LEKR1: variants seen among roughly 807,000 people sequenced by gnomAD.
LEKR1 encodes leucine, glutamate and lysine rich 1.
LEKR1 carries 59 observed loss-of-function variants against 72.4 expected under a neutral mutation model. That is an observed-to-expected ratio of 0.82 (90% CI 0.66 to 1.01). The LOEUF is 1.01. Ranked by LOEUF, LEKR1 falls within the 50% of genes least tolerant of loss-of-function variation. The pLI, the probability that LEKR1 is intolerant of heterozygous loss-of-function variation, is 0.00. For missense variants in LEKR1, 728 were observed against 759.2 expected (o/e 0.96, Z 0.48); for synonymous variants, 257 against 263.2 (o/e 0.98, Z 0.23).
chr3:156,885,211 G>A (rs1409489308), intron 3 of LEKR1, among the ~76,000 whole-genome samples: 4 of 151,942 alleles, frequency 2.6e-5, no homozygotes, highest in African/African-American at 9.7e-5. Context: ...ATTTCTTTGT[G>A]TTGGTTTTTT....
intron 3 of LEKR1, among the ~76,000 whole-genome samples, chr3:156,918,720 AG>A (rs1723895600): frequency 1.3e-5 from 2 of 152,314 alleles, no homozygotes; most frequent in Admixed American, 6.5e-5. Context: ...AGGAAATATC[AG>A]TGTAAACATG....
intron 5 of LEKR1, among the ~76,000 whole-genome samples, chr3:156,939,068 A>T (rs1273696539): frequency 6.6e-6 from 1 of 152,224 alleles, no homozygotes; most frequent in Non-Finnish European, 1.5e-5. Context: ...AATAACAAAT[A>T]TTCTAAAATA....
chr3:156,991,020 C>A (rs760273141), intron 7 of LEKR1, among the ~76,000 whole-genome samples: 13 of 152,048 alleles, frequency 8.5e-5, no homozygotes, highest in Non-Finnish European at 1.8e-4. Flanking sequence ...TATGTCAATA[C>A]AATACCTTAA....
At chr3:156,944,556 T>C (rs2321295) in intron 6 of LEKR1, among the ~76,000 whole-genome samples, 81,855 of 151,516 alleles carry the variant, frequency 0.54, 23,946 homozygotes, top group East Asian at 0.73. Context: ...CTTTCCATCC[T>C]CTCAACCCTG....
At chr3:156,902,694 T>A (rs983139302) in intron 3 of LEKR1, among the ~76,000 whole-genome samples, 2 of 132,086 alleles carry the variant, frequency 1.5e-5, no homozygotes, top group African/African-American at 7.4e-5. Flanking sequence ...ACAACTTTTT[T>A]CCTTCACTTA....
At chr3:156,986,971 C>T (rs10513501) in intron 7 of LEKR1, among the ~76,000 whole-genome samples, 8,280 of 151,838 alleles carry the variant, frequency 0.055, 259 homozygotes, top group African/African-American at 0.082. Flanking sequence ...TCCATATAAG[C>T]GAATGGAGTG....
At chr3:157,017,956 A>G (rs1733497944) in intron 10 of LEKR1, among the ~76,000 whole-genome samples, 1 of 149,564 alleles carries the variant, frequency 6.7e-6, no homozygotes, top group African/African-American at 2.5e-5. Flanking sequence ...CTCAAAAAAA[A>G]AAAAAAAAAA....
rs529666663 is a variant in LEKR1 at position 156,976,818 on chromosome 3, C to A, written c.746-2376C>A. ...TTATAGGATCTAACTAGCTGAGTGACCTTGATAAGTTAATTACTCTAATCC... is the reference window on the plus strand; with the variant it reads ...TTATAGGATCTAACTAGCTGAGTGAACTTGATAAGTTAATTACTCTAATCC... On this transcript the variant is annotated intron_variant, in intron 6 of 12. Coordinates refer to ENST00000356539, the MANE Select transcript of LEKR1 (RefSeq NM_001004316.3). Among the ~76,000 whole-genome samples the A allele has an allele frequency of 2.6e-5, 4 of 152,242 alleles. No individual in the cohort carries two copies. In the South Asian group the frequency reaches 8.3e-4, roughly 32 times the overall value.
intron 5 of LEKR1, among the ~76,000 whole-genome samples, chr3:156,941,939 T>C (rs774278388): frequency 1.3e-4 from 20 of 152,056 alleles, no homozygotes; most frequent in Non-Finnish European, 2.8e-4. Context: ...AATAGAATAA[T>C]GACATGATTA....
At chr3:156,878,000 C>T (rs1046373783) in intron 3 of LEKR1, among the ~76,000 whole-genome samples, 1 of 152,026 alleles carries the variant, frequency 6.6e-6, no homozygotes, top group African/African-American at 2.4e-5. Context: ...TCAGGCTGGT[C>T]TCGAACTCCT....
chr3:156,829,807 TTA>T (rs1229652439), intron 2 of LEKR1, among the ~76,000 whole-genome samples: 1 of 152,102 alleles, frequency 6.6e-6, no homozygotes, highest in Non-Finnish European at 1.5e-5. Context: ...GTAGGTCCAC[TTA>T]TATGTGGGTT....
At chr3:156,952,906 T>C (rs1727294387) in intron 6 of LEKR1, among the ~76,000 whole-genome samples, 1 of 151,356 alleles carries the variant, frequency 6.6e-6, no homozygotes, top group Non-Finnish European at 1.5e-5. Flanking sequence ...CAGAGAAAGT[T>C]CCTTGTTCCT....
At chr3:156,876,078 T>C (rs1184203468) in intron 3 of LEKR1, among the ~76,000 whole-genome samples, 3 of 151,488 alleles carry the variant, frequency 2.0e-5, no homozygotes, top group African/African-American at 7.3e-5. Flanking sequence ...GCACCATTTG[T>C]GGAATAGGGT....
intron 3 of LEKR1, among the ~76,000 whole-genome samples, chr3:156,853,567 T>C (rs1486735029): frequency 6.6e-6 from 1 of 152,140 alleles, no homozygotes; most frequent in Non-Finnish European, 1.5e-5. Flanking sequence ...GAAAATTTCT[T>C]GATTTAAAGT....
At chr3:156,968,670 A>G (rs1176050289) in intron 6 of LEKR1, among the ~76,000 whole-genome samples, 1 of 152,162 alleles carries the variant, frequency 6.6e-6, no homozygotes. Context: ...CACAATAATA[A>G]TGGGAGATTT....
chr3:157,036,248 C>G (rs1038795568), intron 12 of LEKR1, among the ~76,000 whole-genome samples: 2 of 151,820 alleles, frequency 1.3e-5, no homozygotes. Flanking sequence ...TAAACATAAA[C>G]AGCCAGCTAT....
intron 12 of LEKR1, among the ~76,000 whole-genome samples, chr3:157,035,774 C>T (rs994789902): frequency 1.3e-5 from 2 of 152,162 alleles, no homozygotes; most frequent in Admixed American, 1.3e-4. Context: ...TGCTGCACAT[C>T]TGTAATCCCA....
intron 6 of LEKR1, among the ~76,000 whole-genome samples, chr3:156,966,916 C>T (rs1728660701): frequency 6.6e-6 from 1 of 152,180 alleles, no homozygotes; most frequent in South Asian, 2.1e-4. Flanking sequence ...GCCAGGTACT[C>T]GTCTGAGACA....
chr3:156,935,089 G>T (rs1479748588), intron 5 of LEKR1, among the ~76,000 whole-genome samples: 2 of 151,996 alleles, frequency 1.3e-5, no homozygotes, highest in Admixed American at 6.6e-5. Context: ...CTTTTCATTT[G>T]CAAGTGTTAC....
Sources: gnomAD v4.1 joint callset for allele counts (sites outside exome capture counted in the v4.1 genomes callset) on GRCh38, gnomAD v4.1.1 for gene constraint, MANE v1.5 for transcripts, NCBI Gene and HGNC (gene_info 2026-07-23, HGNC 2026-07-21) for gene names.